The following FRMD7 variants were observed in gnomAD, a reference collection of about 807,000 sequenced individuals.
FRMD7 encodes FERM domain containing 7.
A neutral mutation model predicts 44.1 loss-of-function variants in FRMD7; 14 were observed. The ratio of observed to expected loss-of-function variants is 0.32; its 90% CI spans 0.21 to 0.50. The LOEUF (loss-of-function observed/expected upper bound fraction) is 0.50. FRMD7 is among the 20% of genes least tolerant of loss of function. The pLI, the probability that FRMD7 is intolerant of heterozygous loss-of-function variation, is 0.99. For missense variants in FRMD7, 501 were observed against 522.3 expected (o/e 0.96, Z 0.40); for synonymous variants, 212 against 187.4 (o/e 1.13, Z -1.07).
At chrX:132,085,552 T>C in intron 7 of FRMD7, 29 bp downstream of exon 7, 2 of 1,204,338 alleles carry the variant, frequency 1.7e-6, no homozygotes, top group Non-Finnish European at 2.2e-6. Flanking sequence ...TCACTAAAGC[T>C]GAAGGGCTTG....
intron 1 of FRMD7, among the ~76,000 whole-genome samples, chrX:132,112,812 A>G (rs1397932888): frequency 9.0e-6 from 1 of 111,410 alleles, no homozygotes; most frequent in Non-Finnish European, 1.9e-5. Context: ...GGTACCTGAT[A>G]GATGATACCT....
chrX:132,104,616 C>A (rs1051244687), intron 1 of FRMD7, among the ~76,000 whole-genome samples: 1 of 111,372 alleles, frequency 9.0e-6, no homozygotes, highest in African/African-American at 3.3e-5. Flanking sequence ...TGGTGTGAAC[C>A]CGGGAGGCGG....
chrX:132,080,350 A>C, intron 9 of FRMD7, 84 bp from the exon 10 acceptor site: 1 of 620,415 alleles, frequency 1.6e-6, no homozygotes, highest in Non-Finnish European at 2.8e-6. Flanking sequence ...TTATTGTTGA[A>C]ATCAAAAGAC....
intron 4 of FRMD7, among the ~76,000 whole-genome samples, chrX:132,095,515 A>G (rs1183231066): frequency 8.9e-6 from 1 of 112,415 alleles, no homozygotes; most frequent in African/African-American, 3.2e-5. Context: ...CTTGAAGGCA[A>G]TGTGGTGAAT....
At position 132,107,604 on chromosome X, in the gene FRMD7, G is replaced by GGAGAGAGA. The variant is rs749047439; in HGVS notation, c.58-6896_58-6889dup. 4.2e-4 allele frequency among the ~76,000 whole-genome samples: 38 copies of GGAGAGAGA among 91,198 alleles called. 1 individual carries two copies. Among genetic ancestry groups the GGAGAGAGA allele is most frequent in the African/African-American group, 1.5e-3 (34 of 22,906 alleles). The allele number at this position is 91,198 out of a possible 115,157, so 79.2% of individuals were successfully genotyped here. On this transcript the variant is annotated intron_variant, in intron 1 of 11. Transcript: ENST00000298542. ...CCTTTTCACTATATTTCTACATGGT[G>GGAGAGAGA]GAGAGAGAGAGAGAGAGAGAGAGAG...
rs757479438 is a variant in FRMD7 at position 132,085,716 on chromosome X, T to A, written c.510A>T (p.Pro170=). Residue 170 remains proline, a synonymous_variant, in exon 7 of 12, where the codon CCA becomes CCT. Coordinates refer to ENST00000298542, the MANE Select transcript of FRMD7 (RefSeq NM_194277.3). ...HFHQKHIGRS[P]AESDILLLDI... is the part of the protein sequence containing the mutation. ...CCAGTAGCAGAATGTCAGATTCAGC[T>A]GGGCTCCTGCCACTGAAAGGGGAAA... The A allele has an allele frequency of 2.5e-6, 3 of 1,208,762 alleles. No homozygotes were observed. In the African/African-American group the frequency reaches 5.3e-5, roughly 21 times the overall value.
intron 8 of FRMD7, among the ~76,000 whole-genome samples, chrX:132,083,198 C>T: frequency 8.9e-6 from 1 of 111,916 alleles, no homozygotes; most frequent in South Asian, 3.8e-4. Flanking sequence ...TCAAGTGATC[C>T]TTCCACCTCA....
Position 132,077,206 on chromosome X carries a change from C to T in FRMD7, c.*666G>A, listed in dbSNP as rs1200339826. 9.0e-6 allele frequency: 1 copy of T among 111,070 alleles called. No homozygotes were observed. The highest frequency in any genetic ancestry group is 1.9e-5 in the Non-Finnish European group (1 of 52,986). The allele number at this position is 111,070 out of a possible 1,213,427, so 9.2% of individuals were successfully genotyped here. On this transcript the variant is annotated 3_prime_UTR_variant, in exon 12 of 12. Coordinates refer to ENST00000298542, the MANE Select transcript of FRMD7 (RefSeq NM_194277.3). ...AAGTAAAACAACATGATACTTTCAT[C>T]TGGTTTATGTCTGGCTCTAGAAATT...
intron 1 of FRMD7, among the ~76,000 whole-genome samples, chrX:132,124,768 C>T (rs1186413217): frequency 9.0e-6 from 1 of 111,599 alleles, no homozygotes; most frequent in Non-Finnish European, 1.9e-5. Flanking sequence ...AAAGGAATAA[C>T]CAAGGCCAAA....
At chrX:132,112,105 T>C (rs1047650457) in intron 1 of FRMD7, among the ~76,000 whole-genome samples, 2 of 112,164 alleles carry the variant, frequency 1.8e-5, no homozygotes, top group African/African-American at 6.5e-5. Context: ...GCAACAAGTT[T>C]TCTAGGAAAT....
intron 5 of FRMD7, among the ~76,000 whole-genome samples, chrX:132,088,237 T>C (rs1199821155): frequency 1.8e-5 from 2 of 112,301 alleles, no homozygotes; most frequent in Non-Finnish European, 3.8e-5. Context: ...TTACTTGCAC[T>C]CAACATGATC....
At chrX:132,118,157 G>C (rs748506296) in intron 1 of FRMD7, among the ~76,000 whole-genome samples, 1 of 111,617 alleles carries the variant, frequency 9.0e-6, no homozygotes, top group African/African-American at 3.3e-5. Flanking sequence ...CCATAGGGGA[G>C]AGAGTTGGGG....
At position 132,094,127 on chromosome X, in the gene FRMD7, A is replaced by G. The variant is rs922384640; in HGVS notation, c.297T>C (p.Thr99=). Residue 99 remains threonine (T), a synonymous_variant, in exon 5 of 12, where the codon ACT becomes ACC. Coordinates refer to ENST00000298542, the MANE Select transcript of FRMD7 (RefSeq NM_194277.3). ...GAGCCAAATCCTTCTTTATTTGAAGAGTAAAAAGATACCTGCAAAGAAATT... is the reference window on the plus strand; with the variant it reads ...GAGCCAAATCCTTCTTTATTTGAAGGGTAAAAAGATACCTGCAAAGAAATT... ...LREELTRYLF[T]LQIKKDLALG... is the part of the protein sequence containing the mutation. 1.8e-6 allele frequency: 2 copies of G among 1,127,115 alleles called. No homozygotes were observed. Among genetic ancestry groups the G allele is most frequent in the Non-Finnish European group, 2.4e-6 (2 of 819,231 alleles). The allele number at this position is 1,127,115 out of a possible 1,213,427, so 92.9% of individuals were successfully genotyped here.
Position 132,085,606 on chromosome X carries a change from G to A in FRMD7, c.620C>T (p.Ala207Val). Residue 207 changes from alanine (A) to valine (V), a missense_variant, in exon 7 of 12, where the codon GCT (alanine) becomes GTT (valine). Transcript: ENST00000298542. ...CCGTAACACCAGTACTCCCATGTGA[G>A]CAACAGCCAGGTGAATCTGCATCCC... ...GEGMQIHLAV[A>V]HMGVLVLRGN... The A allele has an allele frequency of 3.3e-6, 4 of 1,211,053 alleles. No homozygotes were observed. Among genetic ancestry groups the A allele is most frequent in the African/African-American group, 3.5e-5 (2 of 57,730 alleles).
chrX:132,097,098 C>T (rs908230445), intron 4 of FRMD7, among the ~76,000 whole-genome samples, 168 bp downstream of exon 4: 1 of 111,204 alleles, frequency 9.0e-6, no homozygotes, highest in African/African-American at 3.3e-5. Context: ...GGATGATGAA[C>T]ACCTGGGGAA....
intron 3 of FRMD7, among the ~76,000 whole-genome samples, chrX:132,098,827 A>G (rs759088243): frequency 1.4e-4 from 15 of 111,010 alleles, no homozygotes; most frequent in Non-Finnish European, 2.5e-4. Flanking sequence ...TGTAAAGAGC[A>G]GGTAGAGGAA....
chrX:132,101,981 G>T (rs1402652598), intron 1 of FRMD7, among the ~76,000 whole-genome samples: 1 of 111,177 alleles, frequency 9.0e-6, no homozygotes, highest in Non-Finnish European at 1.9e-5. Context: ...AGTTAAAGGC[G>T]AGTCACGCGG....
rs1254924843 is a variant in FRMD7 at position 132,094,139 on chromosome X, C to T, written c.285G>A (p.Arg95=). The change falls in exon 5 of 12, where the codon AGG becomes AGA. Residue 95 remains arginine, a splice_region_variant and synonymous_variant. Coordinates refer to ENST00000298542, the MANE Select transcript of FRMD7 (RefSeq NM_194277.3). Reference sequence around the variant, plus strand: ...TCTTTATTTGAAGAGTAAAAAGATACCTGCAAAGAAATTGGGGAGAATCTC... The same window carrying T: ...TCTTTATTTGAAGAGTAAAAAGATATCTGCAAAGAAATTGGGGAGAATCTC... ...DPGHLREELT[R]YLFTLQIKKD... 2.8e-6 allele frequency: 3 copies of T among 1,066,386 alleles called. No homozygotes were observed. The African/African-American group carries it at 5.5e-5, about 19-fold the overall frequency. 87.9% of individuals were successfully genotyped at this position (1,066,386 alleles called of 1,213,427 possible). A position where few individuals can be genotyped will look rare whatever the true frequency, so the allele number is the denominator to read the frequency against.
At chrX:132,123,635 C>T (rs1481012360) in intron 1 of FRMD7, among the ~76,000 whole-genome samples, 1 of 112,219 alleles carries the variant, frequency 8.9e-6, no homozygotes, top group Non-Finnish European at 1.9e-5. Flanking sequence ...CTTTGCTTTC[C>T]TACTTAACTT....
Sources: gnomAD v4.1 joint callset for allele counts (sites outside exome capture counted in the v4.1 genomes callset) on GRCh38, gnomAD v4.1.1 for gene constraint, MANE v1.5 for transcripts, NCBI Gene and HGNC (gene_info 2026-07-23, HGNC 2026-07-21) for gene names.